Variants in CFHR5 observed in about 807,000 individuals in gnomAD.
CFHR5 encodes complement factor H-related protein 5.
A neutral mutation model predicts 62.9 loss-of-function variants in CFHR5; 73 were observed. The ratio of observed to expected loss-of-function variants is 1.16; its 90% CI spans 0.96 to 1.41. The LOEUF (loss-of-function observed/expected upper bound fraction) is 1.41, where lower values mean the gene tolerates loss of function less well. Among genes scored for constraint, CFHR5 ranks in the 40% most tolerant of loss-of-function variants. The pLI is 0.00. For missense variants in CFHR5, 779 were observed against 679.9 expected (o/e 1.15, Z -1.62); for synonymous variants, 249 against 227.2 (o/e 1.10, Z -0.86).
Position 196,996,192 on chromosome 1 carries a change from A to G in CFHR5, c.961A>G (p.Met321Val). 1.1e-5 allele frequency: 17 copies of G among 1,608,662 alleles called. No homozygotes were observed. The highest frequency in any genetic ancestry group is 1.4e-5 in the Non-Finnish European group (16 of 1,175,226). ...CINGIWTELP[M>V]CVATHQLKRC... ...TAATGGAATATGGACAGAGCTTCCT[A>G]TGTGTGTTGGTGAGAAAACATTCCT... is the stretch of plus-strand genomic sequence containing the variant. Residue 321 changes from methionine to valine, a missense_variant, in exon 6 of 10, where the codon ATG becomes GTG. Physicochemically the swap from Met to Val is conservative, Grantham distance 21. Coordinates refer to ENST00000256785, the MANE Select transcript of CFHR5 (RefSeq NM_030787.4).
At chr1:197,006,192 A>G (rs1361226861) in intron 9 of CFHR5, among the ~76,000 whole-genome samples, 1 of 152,168 alleles carries the variant, frequency 6.6e-6, no homozygotes, top group East Asian at 1.9e-4. Context: ...TAACCTAAAA[A>G]GTGTGTACCA....
rs142559658 is a variant in CFHR5, at chr1:196,987,269, T to C, written c.430+3132T>C. On this transcript the variant is annotated intron_variant, in intron 3 of 9. Transcript: ENST00000256785. ...GTAGATTCTGGCTATCAGCCCTTTA[T>C]CAGATGGGTAGATTGCAAAGATTTT... 6.0e-3 allele frequency among the ~76,000 whole-genome samples: 906 copies of C among 152,198 alleles called. 18 individuals are homozygous for C. Among genetic ancestry groups the C allele is most frequent in the African/African-American group, 0.021 (871 of 41,420 alleles).
intron 3 of CFHR5, among the ~76,000 whole-genome samples, 161 bp from the exon 4 acceptor site, chr1:196,993,919 T>C (rs1200814204): frequency 1.3e-5 from 2 of 152,164 alleles, no homozygotes; most frequent in Non-Finnish European, 2.9e-5. Context: ...GTCTTAGATA[T>C]ATTTATTGGG....
intron 3 of CFHR5, among the ~76,000 whole-genome samples, chr1:196,985,008 T>C (rs1558283107): frequency 6.6e-6 from 1 of 152,194 alleles, no homozygotes; most frequent in Admixed American, 6.5e-5. Flanking sequence ...TTTCCTTTTT[T>C]CAGTCATCAC....
intron 4 of CFHR5, 47 bp from the exon 5 acceptor site, chr1:196,995,670 A>G: frequency 6.6e-7 from 1 of 1,520,822 alleles, no homozygotes. Flanking sequence ...ACATTTTTCT[A>G]TACTTATAAG....
Position 196,996,168 on chromosome 1 carries a change from A to G in CFHR5, c.937A>G (p.Asn313Asp). The change falls in exon 6 of 10, where the codon AAT becomes GAT. Residue 313 changes from asparagine (N) to aspartate (D), a missense_variant. Asn to Asp is a conservative substitution (Grantham distance 23, BLOSUM62 1). Coordinates refer to ENST00000256785, the MANE Select transcript of CFHR5 (RefSeq NM_030787.4). ...TGGAAATAACATGATTACCTGTATT[A>G]ATGGAATATGGACAGAGCTTCCTAT... The part of the protein sequence containing the change: ...MIGNNMITCI[N>D]GIWTELPMCV... 3 of 1,612,990 alleles carry G rather than the reference A, an allele frequency of 1.9e-6. No individual in the cohort carries two copies. Among genetic ancestry groups the G allele is most frequent in the Non-Finnish European group, 2.5e-6 (3 of 1,179,060 alleles).
intron 6 of CFHR5, among the ~76,000 whole-genome samples, chr1:196,997,447 C>T (rs1006900024): frequency 2.0e-5 from 3 of 152,168 alleles, no homozygotes; most frequent in Admixed American, 6.5e-5. Context: ...CTCCATGTCT[C>T]ATTATCCCAT....
chr1:197,006,785 A>T (rs973977987), intron 9 of CFHR5, among the ~76,000 whole-genome samples: 4 of 152,082 alleles, frequency 2.6e-5, no homozygotes, highest in South Asian at 2.1e-4. Context: ...TATTGAATGA[A>T]GTAGGGAGCC....
At chr1:196,983,609 G>A (rs189946287) in intron 2 of CFHR5, among the ~76,000 whole-genome samples, 1 of 152,140 alleles carries the variant, frequency 6.6e-6, no homozygotes, top group Admixed American at 6.6e-5. Context: ...AGAGAGAATA[G>A]ATGAGGCAAC....
chr1:196,996,177 T>C lies in CFHR5; in HGVS notation c.946T>C (p.Trp316Arg). 1.2e-6 allele frequency: 2 copies of C among 1,612,454 alleles called. No individual in the cohort carries two copies. Among genetic ancestry groups the C allele is most frequent in the Non-Finnish European group, 8.5e-7 (1 of 1,178,588 alleles). The change falls in exon 6 of 10, where the codon TGG (tryptophan) becomes CGG (arginine). Residue 316 changes from tryptophan (W) to arginine (R), a missense_variant. Coordinates refer to ENST00000256785, the MANE Select transcript of CFHR5 (RefSeq NM_030787.4). ...NNMITCINGIWTELPMCVATH... is the reference protein window; with the variant it reads ...NNMITCINGIRTELPMCVATH... ...CATGATTACCTGTATTAATGGAATA[T>C]GGACAGAGCTTCCTATGTGTGTTGG...
intron 9 of CFHR5, among the ~76,000 whole-genome samples, chr1:197,008,043 G>C (rs1654338636): frequency 6.7e-6 from 1 of 148,626 alleles, no homozygotes; most frequent in South Asian, 2.1e-4. Flanking sequence ...GAAAGAGTGA[G>C]TGATATCTGG....
At chr1:196,983,911 A>G (rs778342266) in intron 2 of CFHR5, 50 bp from the exon 3 acceptor site, 1 of 1,295,632 alleles carries the variant, frequency 7.7e-7, no homozygotes, top group East Asian at 2.3e-5. Flanking sequence ...TTTTAAATGC[A>G]CTTTTTTTGC....
In CFHR5 at chr1:196,995,927, A is replaced by G. The variant is rs200166497; in HGVS notation, c.790+28A>G. The G allele has an allele frequency of 9.8e-4, 1,574 of 1,601,412 alleles. 22 individuals are homozygous for G. Among genetic ancestry groups the G allele is most frequent in the South Asian group, 9.5e-3 (859 of 90,802 alleles). ...AAATAAATATTAACATTTAAACAGG[A>G]CAGTTACTATTACTTTGCACTTATA... On this transcript the variant is annotated intron_variant, in intron 5 of 9. Coordinates refer to ENST00000256785, the MANE Select transcript of CFHR5 (RefSeq NM_030787.4).
At chr1:197,002,791 A>T in intron 8 of CFHR5, 127 bp downstream of exon 8, 1 of 746,854 alleles carries the variant, frequency 1.3e-6, no homozygotes, top group South Asian at 1.7e-5. Context: ...TTAAATTGCT[A>T]AGTAACCAAT....
rs746586667 is a variant in CFHR5 at position 196,996,097 on chromosome 1, A to G, written c.866A>G (p.His289Arg). 2.5e-6 allele frequency: 4 copies of G among 1,613,528 alleles called. No homozygotes were observed. The highest frequency in any genetic ancestry group is 2.5e-6 in the Non-Finnish European group (3 of 1,179,508). ...YVQPSVPPYQ[H>R]GVSVEVNCRN... ...CAGCCGTCTGTCCCTCCCTATCAAC[A>G]TGGAGTTTCAGTCGAGGTGAATTGC... is the stretch of plus-strand genomic sequence containing the variant. Residue 289 changes from histidine to arginine, a missense_variant, in exon 6 of 10, where the codon CAT becomes CGT. Transcript: ENST00000256785.
At chr1:196,989,923 C>G (rs923732849) in intron 3 of CFHR5, among the ~76,000 whole-genome samples, 2 of 152,112 alleles carry the variant, frequency 1.3e-5, no homozygotes, top group African/African-American at 2.4e-5. Context: ...CCTGGATAAC[C>G]TTGTTAACCT....
upstream of CFHR5, among the ~76,000 whole-genome samples, chr1:196,976,716 G>A (rs1225748677): frequency 6.6e-6 from 1 of 151,328 alleles, no homozygotes; most frequent in Non-Finnish European, 1.5e-5. Flanking sequence ...AGCCATTCTC[G>A]AAGTCCCACC....
chr1:197,008,741 C>T lies in CFHR5; in HGVS notation c.*58C>T, dbSNP rs1462485128. 3.7e-6 allele frequency: 5 copies of T among 1,350,278 alleles called. No homozygotes were observed. In the Admixed American group the frequency reaches 8.4e-5, roughly 23 times the overall value. The allele number at this position is 1,350,278 out of a possible 1,614,324, so 83.6% of individuals were successfully genotyped here. On this transcript the variant is annotated 3_prime_UTR_variant, in exon 10 of 10. Coordinates refer to ENST00000256785, the MANE Select transcript of CFHR5 (RefSeq NM_030787.4). The stretch of plus-strand genomic sequence containing the variant: ...AACATCCATCTATGCTAAAAGTAGC[C>T]ATTATGTAGCCAATTCTGTAGTTAC...
At chr1:196,977,171 C>T (rs942805059), upstream of CFHR5, among the ~76,000 whole-genome samples, 1 of 151,642 alleles carries the variant, frequency 6.6e-6, no homozygotes, top group African/African-American at 2.4e-5. Context: ...TAAGAAGGTA[C>T]CTAATTCTTA....
Sources: gnomAD v4.1 joint callset for allele counts (sites outside exome capture counted in the v4.1 genomes callset) on GRCh38, gnomAD v4.1.1 for gene constraint, MANE v1.5 for transcripts, NCBI Gene and HGNC (gene_info 2026-07-23, HGNC 2026-07-21) for gene names.